The following MCF2L variants were observed in gnomAD, a reference collection of about 807,000 sequenced individuals.
The protein encoded by MCF2L is guanine nucleotide exchange factor DBS.
Under a neutral mutation model 153.4 loss-of-function variants are expected in MCF2L, and 97 were observed. That is an observed-to-expected ratio of 0.63 (90% CI 0.54 to 0.75). The LOEUF (loss-of-function observed/expected upper bound fraction) is 0.75. MCF2L is among the 30% of genes least tolerant of loss of function. The probability of loss-of-function intolerance (pLI) is 0.00; values close to 1 mark genes in which losing one functional copy is unlikely to be tolerated. For missense variants in MCF2L, 1,347 were observed against 1,495.2 expected, an observed-to-expected ratio of 0.90 and a Z score of 1.64; for synonymous variants, 659 against 632.2, an observed-to-expected ratio of 1.04 and a Z score of -0.64.
chr13:112,921,049 C>T (rs1188380963), intron 2 of MCF2L, among the ~76,000 whole-genome samples: 3 of 150,798 alleles, frequency 2.0e-5, no homozygotes, highest in Admixed American at 6.6e-5. Context: ...TGGTGGCGGG[C>T]GCCTGTAGTC....
chr13:112,969,270 C>T lies in MCF2L; in HGVS notation c.-110C>T. On this transcript the variant is annotated 5_prime_UTR_variant, in exon 1 of 30. Coordinates refer to ENST00000535094, the MANE Select transcript of MCF2L (RefSeq NM_001112732.3). The surrounding 1 kb of genome is among the most constrained non-coding windows in gnomAD (Gnocchi z 4.8). ...CTGGAGGCTGAAAGCGCTGCCGTGG[C>T]CCCCTCCCCGCCTCCGCCGCGCCCC... The T allele has an allele frequency of 6.8e-7, 1 of 1,478,482 alleles. No individual in the cohort carries two copies. The highest frequency in any genetic ancestry group is 9.0e-7 in the Non-Finnish European group (1 of 1,106,560). The allele number at this position is 1,478,482 out of a possible 1,614,324, so 91.6% of individuals were successfully genotyped here. A position where few individuals can be genotyped will look rare whatever the true frequency, so the allele number is the denominator to read the frequency against.
intron 18 of MCF2L, 63 bp downstream of exon 18, chr13:113,084,130 G>A: frequency 7.7e-7 from 1 of 1,300,294 alleles, no homozygotes; most frequent in Non-Finnish European, 1.1e-6. Flanking sequence ...AATGACTTCA[G>A]ATTCTACTGC....
In MCF2L at chr13:112,983,011, G is replaced by A. The variant is rs972184821; in HGVS notation, c.79+13553G>A. Among the ~76,000 whole-genome samples the A allele has an allele frequency of 6.6e-6, 1 of 152,142 alleles. No homozygotes were observed. Among genetic ancestry groups the A allele is most frequent in the African/African-American group, 2.4e-5 (1 of 41,432 alleles). ...TGACGCTCAGGAGGCGCTGGTTCCA[G>A]TGGGGAGGTTGGGGAAAGCACTTCC... On this transcript the variant is annotated intron_variant, in intron 1 of 29. Transcript: ENST00000535094. The surrounding 1 kb of genome is among the most constrained non-coding windows in gnomAD (Gnocchi z 4.0).
chr13:112,999,854 T>G (rs1056360712), intron 1 of MCF2L, among the ~76,000 whole-genome samples: 3 of 152,168 alleles, frequency 2.0e-5, no homozygotes, highest in African/African-American at 7.2e-5. Flanking sequence ...GCTTCGGACA[T>G]TAGAGTCGGC....
chr13:112,936,965 A>G (rs2081521092), intron 2 of MCF2L, among the ~76,000 whole-genome samples: 1 of 152,252 alleles, frequency 6.6e-6, no homozygotes, highest in African/African-American at 2.4e-5. Context: ...TGTGCAGTAT[A>G]TTGAATCTAC....
intron 2 of MCF2L, among the ~76,000 whole-genome samples, chr13:112,942,907 G>A (rs2081590888): frequency 6.6e-6 from 1 of 152,200 alleles, no homozygotes; most frequent in African/African-American, 2.4e-5. Context: ...GTGCTGTTGG[G>A]CAGGAAAGGT....
chr13:112,986,748 C>T (rs2082659142), intron 1 of MCF2L, among the ~76,000 whole-genome samples: 1 of 152,226 alleles, frequency 6.6e-6, no homozygotes, highest in African/African-American at 2.4e-5. Flanking sequence ...CAACCCTGCC[C>T]ACGGGGCCTC....
chr13:113,074,630 G>A lies in MCF2L; in HGVS notation c.1116+67G>A. ...AGCATCATCAAGTGCTGCTCAGGAA[G>A]GCGCAGGAATGGGCCTCCCGCCTAC... On this transcript the variant is annotated intron_variant, in intron 10 of 29. Transcript: ENST00000535094. The surrounding 1 kb of genome is among the most constrained non-coding windows in gnomAD (Gnocchi z 4.2). 3 of 1,591,842 alleles carry A rather than the reference G, an allele frequency of 1.9e-6. No individual in the cohort carries two copies. Among genetic ancestry groups the A allele is most frequent in the Non-Finnish European group, 2.6e-6 (3 of 1,163,660 alleles).
intron 2 of MCF2L, among the ~76,000 whole-genome samples, chr13:112,926,413 C>T (rs1208019748): frequency 4.6e-5 from 7 of 151,280 alleles, no homozygotes; most frequent in Non-Finnish European, 1.0e-4. Context: ...ACATATACAG[C>T]GGAGTGCAGT....
rs2081573806 is a variant in MCF2L at position 112,941,395 on chromosome 13, TA to T, written c.169+39025del. 6.6e-6 allele frequency among the ~76,000 whole-genome samples: 1 copy of T among 150,658 alleles called. No individual in the cohort carries two copies. Among genetic ancestry groups the T allele is most frequent in the South Asian group, 2.1e-4 (1 of 4,814 alleles). On this transcript the variant is annotated intron_variant, in intron 2 of 29. Transcript: ENST00000375608. The surrounding 1 kb of genome is among the most constrained non-coding windows in gnomAD (Gnocchi z 4.9). ...ATATTTGAATATATTATATAATTTC[TA>T]TTTGAAATAAAATTCCTTGTACATT...
At chr13:113,051,772 G>A (rs1377646101) in intron 4 of MCF2L, among the ~76,000 whole-genome samples, 2 of 152,186 alleles carry the variant, frequency 1.3e-5, no homozygotes, top group Non-Finnish European at 2.9e-5. Flanking sequence ...TCTTGCTGGT[G>A]GGTCCTGAGG....
intron 1 of MCF2L, among the ~76,000 whole-genome samples, chr13:112,982,130 A>C (rs1274347180): frequency 6.6e-6 from 1 of 152,124 alleles, no homozygotes; most frequent in Non-Finnish European, 1.5e-5. Flanking sequence ...GAGGGGGACA[A>C]AGGGACAAGA....
rs1024063299 is a variant in MCF2L at position 113,066,246 on chromosome 13, A to C, written c.881+76A>C. On this transcript the variant is annotated intron_variant, in intron 8 of 29. Coordinates refer to ENST00000535094, the MANE Select transcript of MCF2L (RefSeq NM_001112732.3). The stretch of plus-strand genomic sequence containing the variant: ...ATCCTCTCAGGCACACAGCTTCTGC[A>C]AAAGAAACAGGCCACGGAAATAGCA... 2.7e-6 allele frequency: 4 copies of C among 1,472,594 alleles called. No individual in the cohort carries two copies. In the African/African-American group the frequency reaches 4.2e-5, roughly 16 times the overall value. 91.2% of individuals were successfully genotyped at this position (1,472,594 alleles called of 1,614,324 possible).
chr13:113,003,305 G>A (rs1011945051), intron 1 of MCF2L, among the ~76,000 whole-genome samples: 2 of 151,596 alleles, frequency 1.3e-5, no homozygotes, highest in East Asian at 3.9e-4. Flanking sequence ...GTGAGTAGGG[G>A]CAGGTGGCCC....
At chr13:113,090,044 T>C in intron 26 of MCF2L, 3 of 1,585,600 alleles carry the variant, frequency 1.9e-6, no homozygotes, top group Non-Finnish European at 2.6e-6. Flanking sequence ...GCCCTCTGCA[T>C]AGTTTCTTTC....
chr13:113,001,858 G>A (rs1275985704), intron 1 of MCF2L: 13 of 1,545,458 alleles, frequency 8.4e-6, no homozygotes, highest in South Asian at 3.6e-5. Context: ...TTGTGTGCCC[G>A]GGAAGGGCGT....
intron 2 of MCF2L, among the ~76,000 whole-genome samples, chr13:112,924,257 C>T (rs546408172): frequency 5.3e-5 from 8 of 152,270 alleles, no homozygotes; most frequent in African/African-American, 1.9e-4. Context: ...AGTGCCCCCA[C>T]ACGCAGCTGG....
At chr13:113,036,875 C>T (rs2086190499) in intron 3 of MCF2L, among the ~76,000 whole-genome samples, 1 of 152,262 alleles carries the variant, frequency 6.6e-6, no homozygotes, top group African/African-American at 2.4e-5. Flanking sequence ...GAACTTTTAA[C>T]AACCATGAAT....
intron 1 of MCF2L, among the ~76,000 whole-genome samples, chr13:112,988,005 T>C (rs1296217193): frequency 6.6e-6 from 1 of 152,210 alleles, no homozygotes; most frequent in African/African-American, 2.4e-5. Context: ...CATCAGAAGA[T>C]TGCTCTGAAT....
Sources: allele counts gnomAD v4.1 joint callset (sites outside exome capture counted in the v4.1 genomes callset), GRCh38; gene constraint gnomAD v4.1.1; non-coding constraint Gnocchi (gnomAD v3.1); transcripts MANE v1.5; gene names NCBI Gene and HGNC (gene_info 2026-07-23, HGNC 2026-07-21).